CHLSN: variants seen among roughly 807,000 people sequenced by gnomAD.
CHLSN encodes protein cholesin.
At chr7:1,103,920 G>A in the CHLSN span, among the ~76,000 whole-genome samples, 1 of 152,242 alleles carries the variant, frequency 6.6e-6, no homozygotes, top group Non-Finnish European at 1.5e-5. Flanking sequence ...AAGGATGGAA[G>A]GAACCCTGGC....
the CHLSN span, among the ~76,000 whole-genome samples, chr7:1,080,257 T>A: frequency 6.6e-6 from 1 of 152,252 alleles, no homozygotes; most frequent in Non-Finnish European, 1.5e-5. Flanking sequence ...TATGTGAACA[T>A]TTAAAGCAGC....
the CHLSN span, among the ~76,000 whole-genome samples, chr7:1,063,568 G>A: frequency 1.6e-4 from 24 of 152,332 alleles, no homozygotes; most frequent in East Asian, 4.0e-3. Context: ...GTCTCCCAGC[G>A]CCCACCATGG....
the CHLSN span, among the ~76,000 whole-genome samples, chr7:1,008,118 A>G: frequency 6.6e-6 from 1 of 152,178 alleles, no homozygotes; most frequent in Non-Finnish European, 1.5e-5. Flanking sequence ...CTGCCAGTGG[A>G]GACAGGCAAG....
the CHLSN span, among the ~76,000 whole-genome samples, chr7:1,132,722 C>CACCCATAGT: frequency 7.1e-6 from 1 of 141,590 alleles, no homozygotes; most frequent in Non-Finnish European, 1.5e-5. Flanking sequence ...AAAAAGACAC[C>CACCCATAGT]ACCCATAGTA....
the CHLSN span, among the ~76,000 whole-genome samples, chr7:1,023,625 AC>A: frequency 3.6e-3 from 6 of 1,684 alleles, no homozygotes. The surrounding 1 kb of genome is among the most constrained non-coding windows in gnomAD (Gnocchi z 5.0). Context: ...CTCCCAGGAA[AC>A]ACACACACAC....
chr7:988,335 C>A, the CHLSN span: 1 of 1,612,452 alleles, frequency 6.2e-7, no homozygotes, highest in Non-Finnish European at 8.5e-7. Flanking sequence ...CAGTGGCAGA[C>A]CCCAGGCCAG....
At chr7:1,103,694 A>G in the CHLSN span, among the ~76,000 whole-genome samples, 1 of 152,220 alleles carries the variant, frequency 6.6e-6, no homozygotes, top group Non-Finnish European at 1.5e-5. Flanking sequence ...AAACAAAACC[A>G]ACAGCGACGT....
the CHLSN span, among the ~76,000 whole-genome samples, chr7:1,011,178 A>G: frequency 5.3e-5 from 7 of 131,226 alleles, no homozygotes; most frequent in Non-Finnish European, 9.6e-5. Flanking sequence ...CCCACCATAC[A>G]CCCACACTCA....
At chr7:1,127,205 G>A in the CHLSN span, 4 of 1,543,716 alleles carry the variant, frequency 2.6e-6, no homozygotes, top group Admixed American at 8.8e-5. Flanking sequence ...CTCCAGATCA[G>A]ATAACAGGTG....
the CHLSN span, among the ~76,000 whole-genome samples, chr7:1,050,489 G>A: frequency 3.0e-4 from 46 of 152,324 alleles, no homozygotes; most frequent in African/African-American, 1.0e-3. Context: ...TTTGGCTTTC[G>A]TTTCTCAAGC....
the CHLSN span, among the ~76,000 whole-genome samples, chr7:1,101,222 C>T: frequency 6.6e-6 from 1 of 152,272 alleles, no homozygotes; most frequent in Non-Finnish European, 1.5e-5. Flanking sequence ...TGTCTGATTT[C>T]TGCCATTGTC....
chr7:1,022,028 G>C, the CHLSN span, among the ~76,000 whole-genome samples: 4 of 152,188 alleles, frequency 2.6e-5, no homozygotes, highest in African/African-American at 9.7e-5. Context: ...CCACAGGCGT[G>C]GCGCCTGGGC....
At chr7:1,080,752 C>T in the CHLSN span, 1 of 152,306 alleles carries the variant, frequency 6.6e-6, no homozygotes, top group African/African-American at 2.4e-5. Flanking sequence ...AGCTGGGTAC[C>T]AGCAGCAATG....
At chr7:1,133,084 A>G in the CHLSN span, among the ~76,000 whole-genome samples, 1 of 152,294 alleles carries the variant, frequency 6.6e-6, no homozygotes, top group African/African-American at 2.4e-5. Context: ...GTATTCACAC[A>G]GGGGATACTA....
the CHLSN span, among the ~76,000 whole-genome samples, chr7:1,108,392 G>A: frequency 2.9e-5 from 4 of 139,236 alleles, no homozygotes; most frequent in African/African-American, 5.5e-5. Flanking sequence ...GCTGTGTCCC[G>A]CGCTCTGCGG....
chr7:1,017,173 C>A, the CHLSN span, among the ~76,000 whole-genome samples: 24,380 of 152,258 alleles, frequency 0.16, 3,018 homozygotes, highest in African/African-American at 0.35. Flanking sequence ...CCTCTGGCCC[C>A]AGGCTCAGGC....
At chr7:1,009,845 C>G in the CHLSN span, 1 of 1,038,212 alleles carries the variant, frequency 9.6e-7, no homozygotes, top group South Asian at 1.7e-5. Flanking sequence ...TACCTCACTG[C>G]TCTAGAACCT....
the CHLSN span, among the ~76,000 whole-genome samples, chr7:1,098,272 T>C: frequency 1.3e-5 from 2 of 152,296 alleles, no homozygotes; most frequent in South Asian, 4.2e-4. Flanking sequence ...TCCACGCCCA[T>C]GGATCAACCT....
chr7:1,113,182 G>T, the CHLSN span, among the ~76,000 whole-genome samples: 2 of 151,752 alleles, frequency 1.3e-5, no homozygotes, highest in Admixed American at 1.3e-4. Context: ...ATGTCCTGGG[G>T]AAGCCAGGCC....
Sources: gnomAD v4.1 joint callset for allele counts (sites outside exome capture counted in the v4.1 genomes callset) on GRCh38, gnomAD v4.1.1 for gene constraint, Gnocchi (gnomAD v3.1) non-coding constraint, MANE v1.5 for transcripts, NCBI Gene and HGNC (gene_info 2026-07-23, HGNC 2026-07-21) for gene names.